The following GLB1 variants were observed in gnomAD, a reference collection of about 807,000 sequenced individuals.
The protein encoded by GLB1 is beta-galactosidase.
In GLB1, 56 loss-of-function variants were observed where a neutral mutation model predicts 74.0. The ratio of observed to expected loss-of-function variants is 0.76; its 90% CI spans 0.61 to 0.94. GLB1 has a LOEUF of 0.94. Among genes scored for constraint, GLB1 ranks in the 40% least tolerant of loss-of-function variants. The pLI is 0.00. For synonymous variants in GLB1, 323 were observed against 323.6 expected, an observed-to-expected ratio of 1.00 and a Z score of 0.02; for missense variants, 787 against 845.5, an observed-to-expected ratio of 0.93 and a Z score of 0.86.
At chr3:33,064,494 T>C (rs80200994) in intron 5 of GLB1, among the ~76,000 whole-genome samples, 2 of 142,490 alleles carry the variant, frequency 1.4e-5, no homozygotes, top group East Asian at 2.2e-4. Flanking sequence ...TCCTTGGTCA[T>C]AGCCGGGCAC....
At chr3:32,977,090 A>G in the GLB1 span, among the ~76,000 whole-genome samples, 65,968 of 151,920 alleles carry the variant, frequency 0.43, 15,969 homozygotes, top group South Asian at 0.56. Flanking sequence ...TCGTTCATGA[A>G]CTGAATGGAT....
At chr3:33,066,727 T>C (rs969799623) in intron 4 of GLB1, among the ~76,000 whole-genome samples, 1 of 152,144 alleles carries the variant, frequency 6.6e-6, no homozygotes, top group Admixed American at 6.5e-5. Flanking sequence ...TTTTTCCGTA[T>C]AAAATGAAGT....
the GLB1 span, among the ~76,000 whole-genome samples, chr3:32,977,251 G>A: frequency 6.7e-6 from 1 of 149,500 alleles, no homozygotes; most frequent in South Asian, 2.1e-4. Flanking sequence ...CTGTGGCCCA[G>A]GCTGGAGTGC....
chr3:33,034,969 A>G (rs1340512824), intron 10 of GLB1, among the ~76,000 whole-genome samples: 1 of 152,188 alleles, frequency 6.6e-6, no homozygotes, highest in Non-Finnish European at 1.5e-5. Flanking sequence ...TTATTTTAAA[A>G]TATTTTTAGC....
chr3:33,037,769 G>C (rs1269895673), intron 10 of GLB1: 1 of 152,116 alleles, frequency 6.6e-6, no homozygotes. Context: ...AGCATAAGTG[G>C]GCACAAGTTT....
chr3:32,986,597 T>C, the GLB1 span, among the ~76,000 whole-genome samples: 10 of 145,364 alleles, frequency 6.9e-5, no homozygotes, highest in Admixed American at 4.0e-4. Context: ...TGTTTCTCTT[T>C]TTTTTTTTTT....
chr3:33,074,372 G>GGAAA (rs1700017104), intron 1 of GLB1, among the ~76,000 whole-genome samples: 1 of 126,178 alleles, frequency 7.9e-6, no homozygotes, highest in Non-Finnish European at 1.7e-5. Context: ...AAGGAAGGAA[G>GGAAA]GAAGGAAGGA....
At chr3:33,090,805 C>T (rs1418730378) in intron 1 of GLB1, 1 of 985,144 alleles carries the variant, frequency 1.0e-6, no homozygotes, top group Admixed American at 6.2e-5. Context: ...TAGGATGGAC[C>T]TGTTTTCTTT....
At chr3:33,094,376 A>T in intron 1 of GLB1, 1 of 1,370,072 alleles carries the variant, frequency 7.3e-7, no homozygotes, top group Non-Finnish European at 9.5e-7. Flanking sequence ...CTCAAAGGCC[A>T]CTTACATCTG....
chr3:33,082,430 TC>T (rs558282234), intron 1 of GLB1, among the ~76,000 whole-genome samples: 61 of 152,256 alleles, frequency 4.0e-4, no homozygotes, highest in Non-Finnish European at 6.0e-4. Context: ...AAGACCACAA[TC>T]CTCTGGGAAT....
chr3:33,083,813 G>A (rs1700411852), intron 1 of GLB1, among the ~76,000 whole-genome samples: 1 of 151,988 alleles, frequency 6.6e-6, no homozygotes, highest in African/African-American at 2.4e-5. Flanking sequence ...ATTCAGTTTA[G>A]ATTATTTCAG....
intron 10 of GLB1, among the ~76,000 whole-genome samples, chr3:33,025,107 G>T (rs554138437): frequency 3.9e-5 from 6 of 152,208 alleles, no homozygotes; most frequent in African/African-American, 1.4e-4. Context: ...CACCACACCT[G>T]GCTAATTTTG....
the GLB1 span, among the ~76,000 whole-genome samples, chr3:32,979,846 T>G: frequency 7.7e-6 from 1 of 130,572 alleles, no homozygotes; most frequent in Non-Finnish European, 1.6e-5. Flanking sequence ...AGTGAGACCC[T>G]GTCTCAAAAA....
chr3:32,997,496 G>C, intron 15 of GLB1, 152 bp from the exon 16 acceptor site: 1 of 1,332,334 alleles, frequency 7.5e-7, no homozygotes, highest in Non-Finnish European at 1.0e-6. Flanking sequence ...GCCAGCCTTG[G>C]TTTTAGCTTC....
At chr3:33,086,214 A>G (rs1700497699) in intron 1 of GLB1, among the ~76,000 whole-genome samples, 1 of 152,172 alleles carries the variant, frequency 6.6e-6, no homozygotes, top group African/African-American at 2.4e-5. Context: ...ATTCCTAACA[A>G]TATTTCACCC....
intron 10 of GLB1, among the ~76,000 whole-genome samples, chr3:33,025,026 A>G (rs1218633369): frequency 6.6e-6 from 1 of 151,054 alleles, no homozygotes; most frequent in Non-Finnish European, 1.5e-5. Context: ...GCTCACCGCA[A>G]CCTCTGCCTC....
intron 1 of GLB1, chr3:33,094,293 G>A (rs1472519846): frequency 1.9e-5 from 28 of 1,503,974 alleles, no homozygotes; most frequent in Non-Finnish European, 1.7e-5. Context: ...AGGTTTCCAG[G>A]TCAACTCCGC....
intron 1 of GLB1, chr3:33,092,407 T>C (rs1203618656): frequency 2.0e-6 from 2 of 993,158 alleles, no homozygotes; most frequent in Non-Finnish European, 2.4e-6. Context: ...TCAATGATTC[T>C]GGAAACCACT....
intron 15 of GLB1, among the ~76,000 whole-genome samples, chr3:33,010,442 G>T (rs1696974446): frequency 6.6e-6 from 1 of 151,974 alleles, no homozygotes; most frequent in African/African-American, 2.4e-5. Flanking sequence ...GCCTTCTTTG[G>T]TAAAATGTCT....
Sources: allele counts gnomAD v4.1 joint callset (sites outside exome capture counted in the v4.1 genomes callset), GRCh38; gene constraint gnomAD v4.1.1; transcripts MANE v1.5; gene names NCBI Gene and HGNC (gene_info 2026-07-23, HGNC 2026-07-21).